SAMD4A: variants seen among roughly 807,000 people sequenced by gnomAD.
SAMD4A encodes protein Smaug homolog 1.
SAMD4A carries 33 observed loss-of-function variants against 81.3 expected under a neutral mutation model. The observed-to-expected ratio is 0.41, with a 90% CI of 0.31 to 0.54. The LOEUF is 0.54. Ranked by LOEUF, SAMD4A falls within the 20% of genes least tolerant of loss-of-function variation. The pLI is 0.37. For synonymous variants in SAMD4A, 389 were observed against 382.1 expected (o/e 1.02, Z -0.21); for missense variants, 854 against 951.1 (o/e 0.90, Z 1.34).
intron 2 of SAMD4A, among the ~76,000 whole-genome samples, chr14:54,677,582 T>C (rs1051200679): frequency 1.3e-5 from 2 of 152,214 alleles, no homozygotes; most frequent in Non-Finnish European, 2.9e-5. Flanking sequence ...AAGCTACGGT[T>C]CTTACCAAGT....
Position 54,737,108 on chromosome 14 carries a change from G to C in SAMD4A, c.800G>C (p.Gly267Ala). ...PPMNVPNQPL[G>A]HGWMSHEDLR... Reference sequence around the variant, plus strand: ...ATGAATGTGCCAAACCAGCCTCTAGGACATGGATGGATGTCTCATGAGGAC... The same window carrying C: ...ATGAATGTGCCAAACCAGCCTCTAGCACATGGATGGATGTCTCATGAGGAC... Residue 267 changes from glycine to alanine, a missense_variant, in exon 4 of 13, where the codon GGA (glycine) becomes GCA (alanine). By Grantham distance (60) the Gly-to-Ala change is moderately conservative. This residue lies in a region of SAMD4A where 387 missense variants were observed against 405.8 expected (regional missense o/e 0.95). Coordinates refer to ENST00000554335, the MANE Select transcript of SAMD4A (RefSeq NM_015589.6). The C allele has an allele frequency of 6.2e-7, 1 of 1,614,024 alleles. No individual in the cohort carries two copies. The highest frequency in any genetic ancestry group is 1.1e-5 in the South Asian group (1 of 91,070).
Position 54,788,991 on chromosome 14 carries a change from C to T in SAMD4A, c.*47C>T, listed in dbSNP as rs375924063. ...GCGCTGGCCGTGAAATCGACTGCTG[C>T]GGGTCCAGTGTCCGCCATCTTCAGG... On this transcript the variant is annotated 3_prime_UTR_variant, in exon 13 of 13. Coordinates refer to ENST00000554335, the MANE Select transcript of SAMD4A (RefSeq NM_015589.6). The T allele has an allele frequency of 6.4e-5, 103 of 1,600,762 alleles. No homozygotes were observed. The highest frequency in any genetic ancestry group is 2.2e-4 in the East Asian group (10 of 44,820).
intron 2 of SAMD4A, among the ~76,000 whole-genome samples, chr14:54,599,934 T>A (rs2034010799): frequency 6.6e-6 from 1 of 152,008 alleles, no homozygotes. Flanking sequence ...TTCGAGAGAG[T>A]TTATAGATTT....
At chr14:54,601,540 C>G (rs1375278211) in intron 2 of SAMD4A, among the ~76,000 whole-genome samples, 1 of 152,074 alleles carries the variant, frequency 6.6e-6, no homozygotes, top group African/African-American at 2.4e-5. Flanking sequence ...CAACAGAAAC[C>G]CAGCGACATT....
chr14:54,788,863 G>A lies in SAMD4A; in HGVS notation c.2129-53G>A, dbSNP rs151017881. On this transcript the variant is annotated intron_variant, in intron 12 of 12. Coordinates refer to ENST00000554335, the MANE Select transcript of SAMD4A (RefSeq NM_015589.6). Reference sequence around the variant, plus strand: ...GCATGGCGTTGGCATAGGTGGGCACGAACTGGATTGTTTTGCTCACCTGTG... The same window carrying A: ...GCATGGCGTTGGCATAGGTGGGCACAAACTGGATTGTTTTGCTCACCTGTG... The A allele has an allele frequency of 6.6e-4, 1,058 of 1,613,054 alleles. 6 individuals are homozygous for A. The highest frequency in any genetic ancestry group is 4.4e-3 in the South Asian group (400 of 91,054).
chr14:54,751,088 C>A (rs540832104), intron 5 of SAMD4A, among the ~76,000 whole-genome samples: 1 of 152,224 alleles, frequency 6.6e-6, no homozygotes, highest in Non-Finnish European at 1.5e-5. Context: ...ATGGCAAAAC[C>A]CCATCTCTAC....
At chr14:54,589,255 G>C (rs1290285229) in intron 2 of SAMD4A, among the ~76,000 whole-genome samples, 1 of 152,178 alleles carries the variant, frequency 6.6e-6, no homozygotes, top group Admixed American at 6.5e-5. Context: ...TATCAGGAAT[G>C]ACTGGAGATG....
intron 2 of SAMD4A, among the ~76,000 whole-genome samples, chr14:54,626,775 A>G (rs1231940026): frequency 6.6e-6 from 1 of 152,214 alleles, no homozygotes; most frequent in Non-Finnish European, 1.5e-5. Context: ...GAATAGCAAT[A>G]CATTCACTGA....
intron 3 of SAMD4A, among the ~76,000 whole-genome samples, chr14:54,714,607 G>A (rs2037073394): frequency 6.6e-6 from 1 of 152,140 alleles, no homozygotes; most frequent in African/African-American, 2.4e-5. Context: ...AAAGGGAATG[G>A]AGAGTAGTGG....
intron 2 of SAMD4A, among the ~76,000 whole-genome samples, chr14:54,596,307 G>C (rs1324046769): frequency 6.6e-6 from 1 of 152,274 alleles, no homozygotes; most frequent in Non-Finnish European, 1.5e-5. Flanking sequence ...GAAAGGGGCC[G>C]GGCGCAGTGG....
intron 3 of SAMD4A, among the ~76,000 whole-genome samples, chr14:54,724,932 C>T (rs1566605470): frequency 6.6e-6 from 1 of 152,120 alleles, no homozygotes; most frequent in Non-Finnish European, 1.5e-5. Context: ...GAGAGAACCG[C>T]ACTGCATAAA....
intron 2 of SAMD4A, among the ~76,000 whole-genome samples, chr14:54,701,759 GAA>G (rs1427005406): frequency 6.6e-6 from 1 of 152,198 alleles, no homozygotes; most frequent in Non-Finnish European, 1.5e-5. Context: ...ACCTTTCTCA[GAA>G]AGAAAACAGA....
At chr14:54,632,327 C>T (rs1490442564) in intron 2 of SAMD4A, among the ~76,000 whole-genome samples, 1 of 152,142 alleles carries the variant, frequency 6.6e-6, no homozygotes, top group Non-Finnish European at 1.5e-5. Flanking sequence ...TTTGAATAGT[C>T]AGTATGTGCA....
intron 3 of SAMD4A, among the ~76,000 whole-genome samples, chr14:54,706,464 G>T (rs2036859712): frequency 6.6e-6 from 1 of 151,718 alleles, no homozygotes; most frequent in African/African-American, 2.4e-5. Context: ...AACTAGCTGG[G>T]CATGGTGGTG....
At chr14:54,655,912 G>A (rs1016253931) in intron 2 of SAMD4A, among the ~76,000 whole-genome samples, 1 of 152,072 alleles carries the variant, frequency 6.6e-6, no homozygotes, top group Non-Finnish European at 1.5e-5. Context: ...GTTTGTTTTG[G>A]TGAGGAACAA....
At chr14:54,574,711 C>T (rs2033237164) in intron 2 of SAMD4A, among the ~76,000 whole-genome samples, 1 of 152,156 alleles carries the variant, frequency 6.6e-6, no homozygotes, top group African/African-American at 2.4e-5. Context: ...TTGGCTCCTC[C>T]TAGTAGGATA....
intron 2 of SAMD4A, among the ~76,000 whole-genome samples, chr14:54,577,671 A>G (rs2033342473): frequency 6.6e-6 from 1 of 152,270 alleles, no homozygotes; most frequent in South Asian, 2.1e-4. Context: ...CATTGTACTC[A>G]GAACAAGTCT....
intron 2 of SAMD4A, among the ~76,000 whole-genome samples, chr14:54,624,975 A>T (rs2034710937): frequency 6.6e-6 from 1 of 152,220 alleles, no homozygotes; most frequent in South Asian, 2.1e-4. Context: ...TGACAGCAAT[A>T]GTCAGTCAGT....
intron 2 of SAMD4A, among the ~76,000 whole-genome samples, chr14:54,588,249 T>C (rs2033678370): frequency 2.0e-5 from 3 of 152,154 alleles, no homozygotes; most frequent in African/African-American, 7.2e-5. Context: ...TCATTTCTAA[T>C]TGAGCTTATT....
Sources: allele counts gnomAD v4.1 joint callset (sites outside exome capture counted in the v4.1 genomes callset), GRCh38; gene constraint gnomAD v4.1.1; regional missense constraint gnomAD v4.1.1; transcripts MANE v1.5; gene names NCBI Gene and HGNC (gene_info 2026-07-23, HGNC 2026-07-21).